Variants in PRUNE2 observed in about 807,000 individuals in gnomAD.
PRUNE2 encodes protein prune homolog 2.
A neutral mutation model predicts 252.0 loss-of-function variants in PRUNE2; 164 were observed. The observed-to-expected ratio is 0.65, with a 90% CI of 0.57 to 0.74. The LOEUF (loss-of-function observed/expected upper bound fraction) is 0.74. Among genes scored for constraint, PRUNE2 ranks in the 30% least tolerant of loss-of-function variants. The probability of loss-of-function intolerance (pLI) is 0.00; values close to 1 mark genes in which losing one functional copy is unlikely to be tolerated. For synonymous variants in PRUNE2, 1,292 were observed against 1,350.2 expected, an observed-to-expected ratio of 0.96 and a Z score of 0.94; for missense variants, 3,495 against 3,711.0, an observed-to-expected ratio of 0.94 and a Z score of 1.51.
chr9:76,851,560 A>C (rs543786272), intron 2 of PRUNE2, among the ~76,000 whole-genome samples: 44 of 150,730 alleles, frequency 2.9e-4, no homozygotes, highest in South Asian at 6.3e-4. Context: ...AAAAAAAAAA[A>C]ACACACACAC....
chr9:76,883,956 G>A (rs2133346848), intron 1 of PRUNE2, among the ~76,000 whole-genome samples: 1 of 152,324 alleles, frequency 6.6e-6, no homozygotes, highest in Admixed American at 6.5e-5. Context: ...CCAGTGCCTG[G>A]CACATAGTAA....
In PRUNE2 at chr9:76,612,997, C is replaced by T. The variant is rs1343775079; in HGVS notation, c.*1573G>A. ...GAGACACTGGAGACTAAGAATGGTT[C>T]CCAGAGTGAGGCACGGACTTCAGCC... On this transcript the variant is annotated 3_prime_UTR_variant, in exon 19 of 19. Transcript: ENST00000376718. 6.6e-6 allele frequency: 1 copy of T among 152,108 alleles called. No homozygotes were observed. Among genetic ancestry groups the T allele is most frequent in the Non-Finnish European group, 1.5e-5 (1 of 68,022 alleles). 9.4% of individuals were successfully genotyped at this position (152,108 alleles called of 1,614,324 possible).
chr9:76,826,845 A>C (rs1170134893), intron 4 of PRUNE2, 113 bp from the exon 5 acceptor site: 2 of 867,252 alleles, frequency 2.3e-6, no homozygotes, highest in Non-Finnish European at 3.5e-6. Flanking sequence ...TCTGTCTCTC[A>C]CCTGGACCAG....
chr9:76,693,754 C>T (rs2036761461), intron 9 of PRUNE2, among the ~76,000 whole-genome samples: 1 of 152,062 alleles, frequency 6.6e-6, no homozygotes, highest in Admixed American at 6.6e-5. Context: ...AGCTCCTATT[C>T]TTATGGTAAG....
chr9:76,898,163 G>A (rs1564528880), intron 1 of PRUNE2, among the ~76,000 whole-genome samples: 1 of 152,216 alleles, frequency 6.6e-6, no homozygotes, highest in Non-Finnish European at 1.5e-5. Flanking sequence ...CCGCCCGGCT[G>A]TACTGCCTTT....
At chr9:76,776,338 T>C (rs1194466998) in intron 6 of PRUNE2, among the ~76,000 whole-genome samples, 1 of 152,084 alleles carries the variant, frequency 6.6e-6, no homozygotes. Context: ...ACTCTCTGTG[T>C]CCATGTGTAC....
intron 1 of PRUNE2, among the ~76,000 whole-genome samples, chr9:76,880,843 T>C: frequency 6.6e-6 from 1 of 152,232 alleles, no homozygotes; most frequent in East Asian, 1.9e-4. Context: ...GAAACATGTT[T>C]ATGTTATTTT....
intron 6 of PRUNE2, among the ~76,000 whole-genome samples, chr9:76,721,289 T>C (rs2047626948): frequency 6.6e-6 from 1 of 152,208 alleles, no homozygotes; most frequent in Non-Finnish European, 1.5e-5. Context: ...ATAGTCTTTT[T>C]CATCATTTCC....
At chr9:76,702,521 T>C (rs2045964419) in intron 9 of PRUNE2, among the ~76,000 whole-genome samples, 1 of 152,126 alleles carries the variant, frequency 6.6e-6, no homozygotes, top group Non-Finnish European at 1.5e-5. Flanking sequence ...ACTGGAAGCT[T>C]GAGGGCAGTG....
At chr9:76,888,673 A>G (rs1038754157) in intron 1 of PRUNE2, among the ~76,000 whole-genome samples, 25 of 151,876 alleles carry the variant, frequency 1.6e-4, no homozygotes, top group Admixed American at 2.6e-4. Flanking sequence ...GTTTTGTCTT[A>G]AAAGAAAGAA....
intron 9 of PRUNE2, among the ~76,000 whole-genome samples, chr9:76,674,937 G>A (rs1258646299): frequency 4.5e-5 from 2 of 44,738 alleles, no homozygotes; most frequent in African/African-American, 8.8e-5. Flanking sequence ...AGACTTAAAC[G>A]TTAGACCTAA....
chr9:76,659,331 TTCATA>T (rs1340787371), intron 9 of PRUNE2, among the ~76,000 whole-genome samples: 3 of 152,204 alleles, frequency 2.0e-5, no homozygotes, highest in Admixed American at 2.0e-4. Context: ...TTAGCCCAGA[TTCATA>T]TTGACAGTAA....
Position 76,706,199 on chromosome 9 carries a change from G to A in PRUNE2, c.6075C>T (p.Thr2025=). 1.2e-6 allele frequency: 2 copies of A among 1,613,868 alleles called. No homozygotes were observed. The highest frequency in any genetic ancestry group is 1.3e-5 in the African/African-American group (1 of 75,032). Residue 2025 remains threonine, a synonymous_variant, in exon 8 of 19, where the codon ACC becomes ACT. Coordinates refer to ENST00000376718, the MANE Select transcript of PRUNE2 (RefSeq NM_015225.3). The part of the protein sequence containing the change: ...TENFPAVSSP[T]QLIMKPGSEW... ...CAGAGCCTGGCTTCATTATCAGTTG[G>A]GTGGGAGAACTGACAGCAGGAAAAT...
chr9:76,788,187 T>C (rs893276368), intron 6 of PRUNE2, among the ~76,000 whole-genome samples: 10 of 152,188 alleles, frequency 6.6e-5, no homozygotes, highest in Non-Finnish European at 1.0e-4. Context: ...CCTAAAGACA[T>C]GGCATTTCCT....
rs2059915048 is a variant in PRUNE2, at chr9:76,850,791, G to A, written c.142-126C>T. ...TCTTCTGGCCTCACTAAACCACTTGGCATTCATAATCAAATTTTCCTGAAC... is the reference window on the plus strand; with the variant it reads ...TCTTCTGGCCTCACTAAACCACTTGACATTCATAATCAAATTTTCCTGAAC... On this transcript the variant is annotated intron_variant, in intron 2 of 18. Transcript: ENST00000376718. 6.0e-6 allele frequency: 4 copies of A among 669,244 alleles called. No homozygotes were observed. The South Asian group carries it at 6.0e-5, about 10-fold the overall frequency. The allele number at this position is 669,244 out of a possible 1,614,324, so 41.5% of individuals were successfully genotyped here.
chr9:76,837,504 T>C (rs1246937489), intron 4 of PRUNE2, among the ~76,000 whole-genome samples: 2 of 143,352 alleles, frequency 1.4e-5, no homozygotes, highest in Non-Finnish European at 3.1e-5. Context: ...CATACACTGA[T>C]TGAGGAGCAG....
rs2046638426 is a variant in PRUNE2 at position 76,710,447 on chromosome 9, T to C, written c.1827A>G (p.Pro609=). The C allele has an allele frequency of 8.1e-6, 13 of 1,614,002 alleles. No homozygotes were observed. The highest frequency in any genetic ancestry group is 1.1e-5 in the Non-Finnish European group (13 of 1,179,890). The change falls in exon 8 of 19, where the codon CCA becomes CCG. Residue 609 remains proline, a synonymous_variant. Coordinates refer to ENST00000376718, the MANE Select transcript of PRUNE2 (RefSeq NM_015225.3). ...CTACTAAACTATTCATGGGTGTTGG[T>C]GGGATCCTCTTTCCAGTATTTTTTA... ...ERLKNTGKRI[P]PTPMNSLVES... is the part of the protein sequence containing the mutation.
chr9:76,674,695 G>A (rs2042169018), intron 9 of PRUNE2, among the ~76,000 whole-genome samples: 1 of 140,586 alleles, frequency 7.1e-6, no homozygotes, highest in African/African-American at 2.5e-5. Flanking sequence ...AAAACAGCAT[G>A]GTACTGGTAC....
chr9:76,887,659 G>A (rs1298613920), intron 1 of PRUNE2, among the ~76,000 whole-genome samples: 1 of 152,172 alleles, frequency 6.6e-6, no homozygotes, highest in African/African-American at 2.4e-5. Flanking sequence ...CTTTAAGAAC[G>A]ATTACTGGAG....
Sources: gnomAD v4.1 joint callset for allele counts (sites outside exome capture counted in the v4.1 genomes callset) on GRCh38, gnomAD v4.1.1 for gene constraint, MANE v1.5 for transcripts, NCBI Gene and HGNC (gene_info 2026-07-23, HGNC 2026-07-21) for gene names.